Variants in ECE1 observed in about 807,000 individuals in gnomAD.
ECE1 encodes the protein endothelin-converting enzyme 1.
Under a neutral mutation model 98.6 loss-of-function variants are expected in ECE1, and 35 were observed. That is an observed-to-expected ratio of 0.35 (90% CI 0.27 to 0.47). ECE1 has a LOEUF of 0.47. Among genes scored for constraint, ECE1 ranks in the 20% least tolerant of loss-of-function variants. The pLI, the probability that ECE1 is intolerant of heterozygous loss-of-function variation, is 1.00. For missense variants in ECE1, 814 were observed against 1,025.3 expected (o/e 0.79, Z 2.81); for synonymous variants, 394 against 407.1 (o/e 0.97, Z 0.39).
rs1638920125 is a variant in ECE1 at position 21,319,758 on chromosome 1, C to A, written c.3+25618G>T. ...CTGTTCCCTAGTTTGTCTTGGTCCC[C>A]CAGAGGGCCAACAAGCAGTCTGGGT... On this transcript the variant is annotated intron_variant, in intron 1 of 18. Transcript: ENST00000415912. The surrounding 1 kb of genome is among the most constrained non-coding windows in gnomAD (Gnocchi z 4.4). Among the ~76,000 whole-genome samples, 1 of 152,186 alleles carries A rather than the reference C, an allele frequency of 6.6e-6. No individual in the cohort carries two copies. The highest frequency in any genetic ancestry group is 1.5e-5 in the Non-Finnish European group (1 of 68,028).
At chr1:21,249,235 C>T (rs569462576) in intron 8 of ECE1, among the ~76,000 whole-genome samples, 3 of 150,888 alleles carry the variant, frequency 2.0e-5, no homozygotes, top group South Asian at 2.1e-4. Context: ...CCCAGCTACT[C>T]GGGATGCTGA....
intron 1 of ECE1, among the ~76,000 whole-genome samples, chr1:21,296,625 C>T (rs559760765): frequency 6.6e-6 from 1 of 152,342 alleles, no homozygotes; most frequent in South Asian, 2.1e-4. Flanking sequence ...TTGTGTCTTA[C>T]AATCACCATG....
chr1:21,229,839 G>A (rs1307163955), intron 14 of ECE1, among the ~76,000 whole-genome samples: 3 of 152,152 alleles, frequency 2.0e-5, no homozygotes, highest in Non-Finnish European at 4.4e-5. Context: ...CATTCAAAGT[G>A]CAGGACAGAC....
In ECE1 at chr1:21,319,067, A is replaced by G. The variant is rs902347927; in HGVS notation, c.3+26309T>C. Among the ~76,000 whole-genome samples the G allele has an allele frequency of 6.6e-6, 1 of 152,194 alleles. No individual in the cohort carries two copies. Among genetic ancestry groups the G allele is most frequent in the Non-Finnish European group, 1.5e-5 (1 of 68,034 alleles). ...TAAGTCAAAATAATAAAGTGAGGCC[A>G]GGCACGGTGGCTCAAGCTCGTAATC... is the stretch of plus-strand genomic sequence containing the variant. On this transcript the variant is annotated intron_variant, in intron 1 of 18. Transcript: ENST00000415912. This position sits in a 1 kb window ranked among gnomAD's most constrained non-coding sequence, Gnocchi z 4.4.
At position 21,258,564 on chromosome 1, in the gene ECE1, A is replaced by T; in HGVS notation, c.762+129T>A. 1 of 1,435,472 alleles carries T rather than the reference A, an allele frequency of 7.0e-7. No individual in the cohort carries two copies. Among genetic ancestry groups the T allele is most frequent in the Non-Finnish European group, 9.6e-7 (1 of 1,042,786 alleles). 88.9% of individuals were successfully genotyped at this position (1,435,472 alleles called of 1,614,324 possible). On this transcript the variant is annotated intron_variant, in intron 6 of 18. Transcript: ENST00000374893. This position sits in a 1 kb window ranked among gnomAD's most constrained non-coding sequence, Gnocchi z 4.2. ...CCAGTGGGGCCTCTGGAAATAACCC[A>T]GGCTCAGAAACTAGAAGACCGCCGT...
At chr1:21,222,758 C>T (rs1323547848) in intron 17 of ECE1, among the ~76,000 whole-genome samples, 4 of 141,844 alleles carry the variant, frequency 2.8e-5, no homozygotes, top group African/African-American at 7.8e-5. Context: ...AGGAGAATCA[C>T]TTGAACCAGG....
upstream of ECE1, among the ~76,000 whole-genome samples, chr1:21,291,854 G>A (rs1201052215): frequency 2.0e-5 from 3 of 151,746 alleles, no homozygotes; most frequent in African/African-American, 7.3e-5. Context: ...AAATCTGGCT[G>A]GGTTCAGTGG....
chr1:21,240,598 AG>A (rs2098194857), intron 10 of ECE1, among the ~76,000 whole-genome samples: 1 of 152,246 alleles, frequency 6.6e-6, no homozygotes, highest in Non-Finnish European at 1.5e-5. Flanking sequence ...CAAGAAAGAA[AG>A]GAAGGGCCAC....
At position 21,273,333 on chromosome 1, in the gene ECE1, CCGTG is replaced by C. The variant is rs200450695; in HGVS notation, c.281-426_281-423del. On this transcript the variant is annotated intron_variant, in intron 3 of 18. Transcript: ENST00000374893. The stretch of plus-strand genomic sequence containing the variant: ...TGTGCACCTGCGTGAAAGTGTGTGC[CCGTG>C]CGTGTGTGCGTGTGTGTGTGTGTGT... Among the ~76,000 whole-genome samples, 1,295 of 138,488 alleles carry C rather than the reference CCGTG, an allele frequency of 9.4e-3. 12 individuals are homozygous for C. Among genetic ancestry groups the C allele is most frequent in the South Asian group, 0.016 (67 of 4,126 alleles). 90.9% of individuals were successfully genotyped at this position (138,488 alleles called of 152,430 possible). A position where few individuals can be genotyped will look rare whatever the true frequency, so the allele number is the denominator to read the frequency against.
intron 15 of ECE1, among the ~76,000 whole-genome samples, chr1:21,227,429 A>G (rs1335229848): frequency 1.3e-5 from 2 of 152,216 alleles, no homozygotes; most frequent in African/African-American, 4.8e-5. Flanking sequence ...CTGTGTGGTC[A>G]GCTGTGCCTA....
At chr1:21,244,047 A>G (rs2098200014) in intron 10 of ECE1, among the ~76,000 whole-genome samples, 1 of 151,982 alleles carries the variant, frequency 6.6e-6, no homozygotes, top group Non-Finnish European at 1.5e-5. Context: ...CCTCATCTGG[A>G]TTGGACTCTG....
chr1:21,337,668 A>G (rs912584712), intron 1 of ECE1, among the ~76,000 whole-genome samples: 1 of 152,234 alleles, frequency 6.6e-6, no homozygotes, highest in Non-Finnish European at 1.5e-5. Flanking sequence ...TGTATGTGCC[A>G]GCCCTCAGCT....
intron 4 of ECE1, among the ~76,000 whole-genome samples, chr1:21,264,511 C>T (rs1573987484): frequency 6.6e-6 from 1 of 152,088 alleles, no homozygotes; most frequent in East Asian, 1.9e-4. Flanking sequence ...GACAGGGTTT[C>T]ACTGTGTTGG....
At position 21,233,774 on chromosome 1, in the gene ECE1, G is replaced by A. The variant is rs559950088; in HGVS notation, c.1567-113C>T. The A allele has an allele frequency of 2.3e-5, 22 of 969,194 alleles. No homozygotes were observed. The highest frequency in any genetic ancestry group is 5.3e-5 in the East Asian group (2 of 37,660). 60.0% of individuals were successfully genotyped at this position (969,194 alleles called of 1,614,324 possible). The stretch of plus-strand genomic sequence containing the variant: ...GAGATTAATCTGCAGGCTGGAGACC[G>A]GAATGCAGGGCTTGGGGCTGCAGGG... On this transcript the variant is annotated intron_variant, in intron 13 of 18. Coordinates refer to ENST00000374893, the MANE Select transcript of ECE1 (RefSeq NM_001397.3). This position sits in a 1 kb window ranked among gnomAD's most constrained non-coding sequence, Gnocchi z 4.0.
At chr1:21,273,817 T>G (rs1450129217) in intron 3 of ECE1, among the ~76,000 whole-genome samples, 1 of 152,172 alleles carries the variant, frequency 6.6e-6, no homozygotes, top group Non-Finnish European at 1.5e-5. Flanking sequence ...ATCGAGCCAT[T>G]GCACTCAATC....
chr1:21,276,626 C>G (rs1470747280), intron 3 of ECE1, among the ~76,000 whole-genome samples: 1 of 151,632 alleles, frequency 6.6e-6, no homozygotes, highest in Non-Finnish European at 1.5e-5. Flanking sequence ...TAAGTAAACA[C>G]GTACTATGTG....
chr1:21,299,858 T>A (rs569051658), intron 1 of ECE1: 31 of 152,362 alleles, frequency 2.0e-4, no homozygotes, highest in African/African-American at 7.0e-4. Flanking sequence ...GGGGAAGTAG[T>A]TGCTGGATCT....
chr1:21,264,722 T>C (rs1373046624), intron 4 of ECE1, among the ~76,000 whole-genome samples: 1 of 152,250 alleles, frequency 6.6e-6, no homozygotes, highest in Non-Finnish European at 1.5e-5. Flanking sequence ...CGCTTTTTAC[T>C]CTGTGTATAC....
chr1:21,225,496 G>C lies in ECE1; in HGVS notation c.1850-56C>G, dbSNP rs557779341. 634 of 1,584,090 alleles carry C rather than the reference G, an allele frequency of 4.0e-4. 5 individuals carry two copies. Among genetic ancestry groups the C allele is most frequent in the South Asian group, 3.5e-3 (309 of 88,766 alleles). Reference sequence around the variant, plus strand: ...GGAGGGAGGGGCACAGCAGGGACCTGCTGCTCCTCCCTGCTCCTGGTGAGA... The same window carrying C: ...GGAGGGAGGGGCACAGCAGGGACCTCCTGCTCCTCCCTGCTCCTGGTGAGA... On this transcript the variant is annotated intron_variant, in intron 16 of 18. Transcript: ENST00000374893. The surrounding 1 kb of genome is among the most constrained non-coding windows in gnomAD (Gnocchi z 5.3).
Sources: allele counts gnomAD v4.1 joint callset (sites outside exome capture counted in the v4.1 genomes callset), GRCh38; gene constraint gnomAD v4.1.1; non-coding constraint Gnocchi (gnomAD v3.1); transcripts MANE v1.5; gene names NCBI Gene and HGNC (gene_info 2026-07-23, HGNC 2026-07-21).